Variants in RFX3 observed in about 807,000 individuals in gnomAD.
RFX3 encodes the protein regulatory factor X3.
RFX3 carries 14 observed loss-of-function variants against 98.6 expected under a neutral mutation model. The ratio of observed to expected loss-of-function variants is 0.14; its 90% CI spans 0.09 to 0.22. The LOEUF (loss-of-function observed/expected upper bound fraction) is 0.22, where lower values mean the gene tolerates loss of function less well. Among genes scored for constraint, RFX3 ranks in the 10% least tolerant of loss-of-function variants. The pLI, the probability that RFX3 is intolerant of heterozygous loss-of-function variation, is 1.00. For missense variants in RFX3, 639 were observed against 926.9 expected (o/e 0.69, Z 4.03); for synonymous variants, 383 against 328.4 (o/e 1.17, Z -1.80).
chr9:3,346,652 C>T lies in RFX3; in HGVS notation c.215+15G>A. ...TGAGTGGGGGAATTAAAAAGACTTC[C>T]ACATATAAACTTACATTGCTCCATT... is the stretch of plus-strand genomic sequence containing the variant. On this transcript the variant is annotated intron_variant, in intron 3 of 16. Coordinates refer to ENST00000617270, the MANE Select transcript of RFX3 (RefSeq NM_001282116.2). 1 of 1,523,626 alleles carries T rather than the reference C, an allele frequency of 6.6e-7. No homozygotes were observed. Among genetic ancestry groups the T allele is most frequent in the Non-Finnish European group, 9.1e-7 (1 of 1,097,570 alleles). The allele number at this position is 1,523,626 out of a possible 1,614,324, so 94.4% of individuals were successfully genotyped here. A position where few individuals can be genotyped will look rare whatever the true frequency, so the allele number is the denominator to read the frequency against.
chr9:3,275,370 G>A (rs1825071937), intron 9 of RFX3, 130 bp downstream of exon 9: 1 of 530,706 alleles, frequency 1.9e-6, no homozygotes, highest in South Asian at 2.9e-5. Context: ...ATTTGTTAGT[G>A]CTAAAAGATA....
chr9:3,418,955 A>G (rs993558113), intron 1 of RFX3, among the ~76,000 whole-genome samples: 6 of 152,196 alleles, frequency 3.9e-5, no homozygotes, highest in African/African-American at 1.4e-4. Context: ...ATGATAGAAA[A>G]GTTACGTATT....
intron 1 of RFX3, among the ~76,000 whole-genome samples, chr9:3,410,209 G>GTGTGTGTGTGTGTGT (rs55715321): frequency 5.6e-4 from 83 of 148,546 alleles, no homozygotes; most frequent in South Asian, 1.1e-3. Flanking sequence ...GTGTGTGTGT[G>GTGTGTGTGTGTGTGT]GCGCTATCAA....
At chr9:3,424,132 G>A (rs1056068797) in intron 1 of RFX3, among the ~76,000 whole-genome samples, 1 of 150,406 alleles carries the variant, frequency 6.6e-6, no homozygotes. Flanking sequence ...GGGCGACAGA[G>A]GGAGACTCCT....
intron 7 of RFX3, among the ~76,000 whole-genome samples, chr9:3,287,789 G>A (rs1826825015): frequency 6.6e-6 from 1 of 151,954 alleles, no homozygotes; most frequent in Non-Finnish European, 1.5e-5. Flanking sequence ...TGAGAGATGT[G>A]CAGAATAGCA....
intron 15 of RFX3, among the ~76,000 whole-genome samples, chr9:3,238,479 T>C (rs1251908947): frequency 6.6e-6 from 1 of 152,204 alleles, no homozygotes; most frequent in Non-Finnish European, 1.5e-5. Flanking sequence ...TGAACTTAGA[T>C]GAGTTATCAG....
intron 12 of RFX3, among the ~76,000 whole-genome samples, chr9:3,264,285 T>A (rs1412175564): frequency 6.6e-6 from 1 of 152,216 alleles, no homozygotes. Context: ...ATGATTTTAA[T>A]CTTTTAAAAA....
chr9:3,396,175 G>A (rs541413825), intron 1 of RFX3, among the ~76,000 whole-genome samples: 61 of 151,950 alleles, frequency 4.0e-4, no homozygotes, highest in Admixed American at 2.3e-3. Flanking sequence ...ATCTCCTAAT[G>A]CTATGCCTCC....
Position 3,222,662 on chromosome 9 carries a change from A to G in RFX3, c.*2380T>C, listed in dbSNP as rs1817397429. The G allele has an allele frequency of 1.3e-5, 2 of 152,114 alleles. No homozygotes were observed. Among genetic ancestry groups the G allele is most frequent in the African/African-American group, 4.8e-5 (2 of 41,442 alleles). The allele number at this position is 152,114 out of a possible 1,614,324, so 9.4% of individuals were successfully genotyped here. ...ATGAAGAGTGTTTTTTCAATTTTTGATTTTAATTTTACCTGTAAACACTTC... is the reference window on the plus strand; with the variant it reads ...ATGAAGAGTGTTTTTTCAATTTTTGGTTTTAATTTTACCTGTAAACACTTC... On this transcript the variant is annotated 3_prime_UTR_variant, in exon 17 of 17. Coordinates refer to ENST00000617270, the MANE Select transcript of RFX3 (RefSeq NM_001282116.2).
At chr9:3,400,405 CA>C (rs142235451) in intron 1 of RFX3, 4,020 of 155,868 alleles carry the variant, frequency 0.026, 187 homozygotes, top group African/African-American at 0.093. Context: ...AAACCACATC[CA>C]AACTGTTACA....
chr9:3,277,977 C>T (rs552512380), intron 7 of RFX3, among the ~76,000 whole-genome samples: 2 of 151,972 alleles, frequency 1.3e-5, no homozygotes, highest in South Asian at 4.1e-4. Flanking sequence ...CATTTATCTC[C>T]ATGACAATTA....
intron 1 of RFX3, among the ~76,000 whole-genome samples, chr9:3,400,956 C>T (rs1402708826): frequency 6.6e-6 from 1 of 152,178 alleles, no homozygotes; most frequent in East Asian, 1.9e-4. Flanking sequence ...ATGATGTCAA[C>T]CAGTACATAC....
chr9:3,225,447 C>T (rs1817653486), intron 16 of RFX3, among the ~76,000 whole-genome samples, 167 bp from the exon 17 acceptor site: 2 of 152,096 alleles, frequency 1.3e-5, no homozygotes, highest in African/African-American at 2.4e-5. Context: ...TTATTCATAT[C>T]AATGCTGTAC....
intron 1 of RFX3, chr9:3,452,448 T>G (rs889836205): frequency 1.6e-4 from 30 of 191,156 alleles, no homozygotes; most frequent in Non-Finnish European, 2.9e-4. Flanking sequence ...AAATAATAGC[T>G]GGGCCTGGTG....
chr9:3,339,369 G>A (rs372444730), intron 3 of RFX3, among the ~76,000 whole-genome samples: 6 of 151,946 alleles, frequency 3.9e-5, no homozygotes, highest in Non-Finnish European at 7.4e-5. Flanking sequence ...TGAAGTCACC[G>A]ATAAAAATTT....
chr9:3,237,002 G>A (rs1167806779), intron 15 of RFX3, among the ~76,000 whole-genome samples: 1 of 152,144 alleles, frequency 6.6e-6, no homozygotes, highest in Non-Finnish European at 1.5e-5. Flanking sequence ...CTATCTTGTG[G>A]CTGGAATAAG....
At chr9:3,330,112 C>T in intron 4 of RFX3, 147 bp downstream of exon 4, 6 of 778,180 alleles carry the variant, frequency 7.7e-6, no homozygotes, top group Non-Finnish European at 1.2e-5. Context: ...ACTACATATA[C>T]TACATTCTGC....
At position 3,270,989 on chromosome 9, in the gene RFX3, A is replaced by G; in HGVS notation, c.1202+14T>C. On this transcript the variant is annotated intron_variant, in intron 10 of 16. Transcript: ENST00000617270. Reference sequence around the variant, plus strand: ...CAGCCATGAAAATGAATTGGAAAAGATGTTGATTCTGACCTCGATTCGGTA... The same window carrying G: ...CAGCCATGAAAATGAATTGGAAAAGGTGTTGATTCTGACCTCGATTCGGTA... The G allele has an allele frequency of 6.2e-7, 1 of 1,613,724 alleles. No homozygotes were observed. Among genetic ancestry groups the G allele is most frequent in the Non-Finnish European group, 8.5e-7 (1 of 1,179,722 alleles).
chr9:3,309,985 G>A (rs1422408380), intron 4 of RFX3, among the ~76,000 whole-genome samples: 2 of 152,204 alleles, frequency 1.3e-5, no homozygotes, highest in African/African-American at 4.8e-5. Context: ...GGAGAACAAG[G>A]TGGTACAAAA....
Sources: allele counts gnomAD v4.1 joint callset (sites outside exome capture counted in the v4.1 genomes callset), GRCh38; gene constraint gnomAD v4.1.1; transcripts MANE v1.5; gene names NCBI Gene and HGNC (gene_info 2026-07-23, HGNC 2026-07-21).